Variants in KIRREL3 observed in about 807,000 individuals in gnomAD.
The protein encoded by KIRREL3 is kin of IRRE-like protein 3.
A neutral mutation model predicts 89.7 loss-of-function variants in KIRREL3; 36 were observed. The ratio of observed to expected loss-of-function variants is 0.40; its 90% confidence interval spans 0.31 to 0.53. The LOEUF (loss-of-function observed/expected upper bound fraction) is 0.53. Ranked by LOEUF, KIRREL3 falls within the 20% of genes least tolerant of loss-of-function variation. The pLI is 0.49. For missense variants in KIRREL3, 864 were observed against 1,056.6 expected, an observed-to-expected ratio of 0.82 and a Z score of 2.53; for synonymous variants, 445 against 441.4, an observed-to-expected ratio of 1.01 and a Z score of -0.10.
At position 126,734,586 on chromosome 11, in the gene KIRREL3, C is replaced by T. The variant is rs1213889041; in HGVS notation, c.56-171674G>A. ...GCTGAGACAAGAGAATCACTTGAAC[C>T]TGGGAAGCGGAGGTTGCAGTGAGCC... On this transcript the variant is annotated intron_variant, in intron 1 of 16. Transcript: ENST00000525144. The surrounding 1 kb of genome is among the most constrained non-coding windows in gnomAD (Gnocchi z 5.9). 6.6e-6 allele frequency among the ~76,000 whole-genome samples: 1 copy of T among 152,026 alleles called. No individual in the cohort carries two copies. The highest frequency in any genetic ancestry group is 1.5e-5 in the Non-Finnish European group (1 of 68,006).
At chr11:126,440,407 G>A (rs1955514769) in intron 11 of KIRREL3, 42 bp downstream of exon 11, 3 of 1,527,296 alleles carry the variant, frequency 2.0e-6, no homozygotes, top group African/African-American at 2.8e-5. Flanking sequence ...TGACTGTTGG[G>A]CTGCTGGCCC....
intron 1 of KIRREL3, among the ~76,000 whole-genome samples, chr11:126,824,890 A>C (rs1943352414): frequency 6.6e-6 from 1 of 152,302 alleles, no homozygotes; most frequent in Non-Finnish European, 1.5e-5. Flanking sequence ...ATTCAACAGA[A>C]CCATTTTAGG....
At chr11:126,436,005 G>A (rs1591527804) in intron 12 of KIRREL3, among the ~76,000 whole-genome samples, 1 of 152,332 alleles carries the variant, frequency 6.6e-6, no homozygotes, top group Non-Finnish European at 1.5e-5. Context: ...CTGTGGTGGG[G>A]CTTCTGGAGC....
In KIRREL3 at chr11:126,473,471, G is replaced by A. The variant is rs376472404; in HGVS notation, c.434-5C>T. 1.5e-5 allele frequency: 23 copies of A among 1,537,104 alleles called. No individual in the cohort carries two copies. The highest frequency in any genetic ancestry group is 2.7e-5 in the African/African-American group (2 of 73,788). On this transcript the variant is annotated splice_polypyrimidine_tract_variant and splice_region_variant and intron_variant, in intron 4 of 16. Coordinates refer to ENST00000525144, the MANE Select transcript of KIRREL3 (RefSeq NM_032531.4). ...TGACGGGGTCATCAGGCGGCACTGC[G>A]GGGAGAGAAGCAGTGAGGTCAGGCC...
At chr11:126,478,744 A>AGT (rs368396850) in intron 4 of KIRREL3, among the ~76,000 whole-genome samples, 1 of 150,890 alleles carries the variant, frequency 6.6e-6, no homozygotes, top group East Asian at 1.9e-4. Context: ...TGTGTATGTA[A>AGT]GTGTGTGTGT....
rs112446437 is a variant in KIRREL3 at position 126,627,019 on chromosome 11, A to AC, written c.56-64108_56-64107insG. On this transcript the variant is annotated intron_variant, in intron 1 of 16. Transcript: ENST00000525144. This position sits in a 1 kb window ranked among gnomAD's most constrained non-coding sequence, Gnocchi z 5.0. ...CTGTCTCAAGAAAAAAAAAAAACAA[A>AC]AAAAAAAGAATAACCACAGTTTTGA... Among the ~76,000 whole-genome samples, 115,860 of 150,336 alleles carry AC rather than the reference A, an allele frequency of 0.77. 44,890 individuals are homozygous for AC. The highest frequency in any genetic ancestry group is 0.81 in the Non-Finnish European group (54,919 of 67,730).
rs1949013658 is a variant in KIRREL3, at chr11:126,742,410, C to T, written c.56-179498G>A. Reference sequence around the variant, plus strand: ...TATTTTCATGCCTCAGTGAGCTGGACTGATAATATGGAATGGCCAACATGA... The same window carrying T: ...TATTTTCATGCCTCAGTGAGCTGGATTGATAATATGGAATGGCCAACATGA... On this transcript the variant is annotated intron_variant, in intron 1 of 16. Coordinates refer to ENST00000525144, the MANE Select transcript of KIRREL3 (RefSeq NM_032531.4). This position sits in a 1 kb window ranked among gnomAD's most constrained non-coding sequence, Gnocchi z 5.3. Among the ~76,000 whole-genome samples the T allele has an allele frequency of 6.6e-6, 1 of 152,128 alleles. No individual in the cohort carries two copies. The highest frequency in any genetic ancestry group is 2.4e-5 in the African/African-American group (1 of 41,410).
chr11:126,867,211 T>G lies in KIRREL3; in HGVS notation c.55+133244A>C, dbSNP rs1027347983. Among the ~76,000 whole-genome samples, 20 of 152,208 alleles carry G rather than the reference T, an allele frequency of 1.3e-4. No homozygotes were observed. The highest frequency in any genetic ancestry group is 3.3e-4 in the Admixed American group (5 of 15,288). ...AGGGGTTTGAGCAGCGGGGCATCTA[T>G]GCAGCGAGCCACACTCCTATCACAC... On this transcript the variant is annotated intron_variant, in intron 1 of 16. Transcript: ENST00000525144. This position sits in a 1 kb window ranked among gnomAD's most constrained non-coding sequence, Gnocchi z 4.7.
rs557456365 is a variant in KIRREL3, at chr11:126,677,805, T to A, written c.56-114893A>T. Among the ~76,000 whole-genome samples the A allele has an allele frequency of 6.6e-6, 1 of 152,274 alleles. No individual in the cohort carries two copies. Among genetic ancestry groups the A allele is most frequent in the East Asian group, 1.9e-4 (1 of 5,174 alleles). On this transcript the variant is annotated intron_variant, in intron 1 of 16. Transcript: ENST00000525144. The surrounding 1 kb of genome is among the most constrained non-coding windows in gnomAD (Gnocchi z 5.1). ...CTGGTTGGAGTGAGCCTCCCCCTTTTACTGCATCTCCACGAGGCAGAGGAA... is the reference window on the plus strand; with the variant it reads ...CTGGTTGGAGTGAGCCTCCCCCTTTAACTGCATCTCCACGAGGCAGAGGAA...
At position 126,897,157 on chromosome 11, in the gene KIRREL3, G is replaced by T. The variant is rs1379956307; in HGVS notation, c.55+103298C>A. 3.9e-5 allele frequency among the ~76,000 whole-genome samples: 6 copies of T among 152,216 alleles called. No individual in the cohort carries two copies. The East Asian group carries it at 1.2e-3, about 29-fold the overall frequency. On this transcript the variant is annotated intron_variant, in intron 1 of 16. Coordinates refer to ENST00000525144, the MANE Select transcript of KIRREL3 (RefSeq NM_032531.4). The surrounding 1 kb of genome is among the most constrained non-coding windows in gnomAD (Gnocchi z 4.2). ...TAAAGCAAACCCTTCTGGTCACCCTGGGTCAGAGGAGCACAGGTGGTCCCA... is the reference window on the plus strand; with the variant it reads ...TAAAGCAAACCCTTCTGGTCACCCTTGGTCAGAGGAGCACAGGTGGTCCCA...
intron 6 of KIRREL3, among the ~76,000 whole-genome samples, chr11:126,457,397 A>G (rs970912851): frequency 1.4e-5 from 2 of 147,920 alleles, no homozygotes; most frequent in Admixed American, 6.7e-5. Context: ...GTGTGTGTGT[A>G]TGTGTGTATG....
At position 127,000,619 on chromosome 11, in the gene KIRREL3, A is replaced by G. The variant is rs1302019502; in HGVS notation, c.-110T>C. The G allele has an allele frequency of 6.1e-6, 7 of 1,143,082 alleles. No individual in the cohort carries two copies. The highest frequency in any genetic ancestry group is 7.5e-6 in the Non-Finnish European group (6 of 796,642). The allele number at this position is 1,143,082 out of a possible 1,614,324, so 70.8% of individuals were successfully genotyped here. A position where few individuals can be genotyped will look rare whatever the true frequency, so the allele number is the denominator to read the frequency against. On this transcript the variant is annotated 5_prime_UTR_variant, in exon 1 of 17. Transcript: ENST00000525144. The surrounding 1 kb of genome is among the most constrained non-coding windows in gnomAD (Gnocchi z 7.1). ...CGCCGGTCCTCTCGGGTTCGCGCCT[A>G]CCATCTGTCCGTCCGTGGGTCCCTC...
chr11:126,604,702 G>A (rs924811090), intron 1 of KIRREL3, among the ~76,000 whole-genome samples: 1 of 152,220 alleles, frequency 6.6e-6, no homozygotes, highest in African/African-American at 2.4e-5. Context: ...CAGGGGGTCT[G>A]AGGCTGCGCA....
chr11:126,915,241 C>T (rs1024054844), intron 1 of KIRREL3, among the ~76,000 whole-genome samples: 2 of 152,206 alleles, frequency 1.3e-5, no homozygotes, highest in Non-Finnish European at 2.9e-5. Flanking sequence ...ACACTTACAT[C>T]ATTAAAAGAT....
chr11:126,659,433 G>T (rs1390008374), intron 1 of KIRREL3, among the ~76,000 whole-genome samples: 1 of 152,162 alleles, frequency 6.6e-6, no homozygotes, highest in East Asian at 1.9e-4. Flanking sequence ...CGACTTGTGG[G>T]TTGCCCATGA....
intron 4 of KIRREL3, among the ~76,000 whole-genome samples, chr11:126,518,654 C>A (rs1958491998): frequency 6.6e-6 from 1 of 152,240 alleles, no homozygotes; most frequent in South Asian, 2.1e-4. Context: ...CAGATGGGGT[C>A]TTGGTAGGGA....
At chr11:126,803,650 C>T (rs1167986095) in intron 1 of KIRREL3, among the ~76,000 whole-genome samples, 1 of 152,100 alleles carries the variant, frequency 6.6e-6, no homozygotes, top group African/African-American at 2.4e-5. Context: ...AGGGCTCCCA[C>T]CCCAGAATGA....
chr11:126,526,823 G>A lies in KIRREL3; in HGVS notation c.134-136C>T, dbSNP rs1958776359. ...GAAGCACCTGGCTTTCCTGCTGAGG[G>A]TCTGGTAGAGCTTCCTAACTGGTCT... On this transcript the variant is annotated intron_variant, in intron 2 of 16. Transcript: ENST00000525144. This position sits in a 1 kb window ranked among gnomAD's most constrained non-coding sequence, Gnocchi z 5.7. The A allele has an allele frequency of 1.1e-6, 1 of 942,518 alleles. No homozygotes were observed. The highest frequency in any genetic ancestry group is 2.4e-5 in the Admixed American group (1 of 40,898). 58.4% of individuals were successfully genotyped at this position (942,518 alleles called of 1,614,324 possible).
Position 126,985,766 on chromosome 11 carries a change from C to T in KIRREL3, c.55+14689G>A, listed in dbSNP as rs565483813. The stretch of plus-strand genomic sequence containing the variant: ...GGAACGTACACCCATGAGAAGATAG[C>T]GAACTCTGTGCAAAGCTGATGATTT... On this transcript the variant is annotated intron_variant, in intron 1 of 16. Transcript: ENST00000525144. This position sits in a 1 kb window ranked among gnomAD's most constrained non-coding sequence, Gnocchi z 5.3. 3.9e-5 allele frequency among the ~76,000 whole-genome samples: 6 copies of T among 152,200 alleles called. No individual in the cohort carries two copies. In the East Asian group the frequency reaches 5.8e-4, roughly 15 times the overall value.
Sources: allele counts gnomAD v4.1 joint callset (sites outside exome capture counted in the v4.1 genomes callset), GRCh38; gene constraint gnomAD v4.1.1; non-coding constraint Gnocchi (gnomAD v3.1); transcripts MANE v1.5; gene names NCBI Gene and HGNC (gene_info 2026-07-23, HGNC 2026-07-21).